Variants in ACO1 observed in about 807,000 individuals in gnomAD.
ACO1 encodes aconitase 1.
Under a neutral mutation model 105.1 loss-of-function variants are expected in ACO1, and 78 were observed. The observed-to-expected ratio is 0.74, with a 90% CI of 0.62 to 0.90. ACO1 has a LOEUF of 0.90. Among genes scored for constraint, ACO1 ranks in the 40% least tolerant of loss-of-function variants. The pLI is 0.00. For missense variants in ACO1, 965 were observed against 1,111.1 expected, an observed-to-expected ratio of 0.87 and a Z score of 1.87; for synonymous variants, 364 against 397.4, an observed-to-expected ratio of 0.92 and a Z score of 1.00.
chr9:32,418,234 T>C (rs774553670), intron 5 of ACO1, 37 bp downstream of exon 5: 4 of 1,613,506 alleles, frequency 2.5e-6, no homozygotes, highest in African/African-American at 2.7e-5. Context: ...TTGGTTTTCT[T>C]TGTAGGCAGG....
intron 4 of ACO1, among the ~76,000 whole-genome samples, chr9:32,411,666 T>C (rs1233505800): frequency 1.3e-5 from 2 of 152,098 alleles, no homozygotes; most frequent in Non-Finnish European, 2.9e-5. Context: ...AATAAAAAAG[T>C]AAATATTTGA....
Position 32,399,966 on chromosome 9 carries a change from G to GTTTTTTTTTTTTTTT in ACO1, c.-22-5511_-22-5497dup, listed in dbSNP as rs57615512. 8.6e-5 allele frequency among the ~76,000 whole-genome samples: 6 copies of GTTTTTTTTTTTTTTT among 69,842 alleles called. 1 individual carries two copies. Among genetic ancestry groups the GTTTTTTTTTTTTTTT allele is most frequent in the African/African-American group, 1.2e-4 (2 of 16,312 alleles). 45.8% of individuals were successfully genotyped at this position (69,842 alleles called of 152,430 possible). On this transcript the variant is annotated intron_variant, in intron 1 of 20. Coordinates refer to ENST00000309951, the MANE Select transcript of ACO1 (RefSeq NM_002197.3). ...ATTTCTTTTATTTTTTTCTTTTTCT[G>GTTTTTTTTTTTTTTT]TTTTTTTTTTTTTTTTTTTTTTGCG...
intron 11 of ACO1, among the ~76,000 whole-genome samples, chr9:32,426,269 A>T (rs1268075669): frequency 6.6e-6 from 1 of 152,234 alleles, no homozygotes; most frequent in Non-Finnish European, 1.5e-5. Context: ...ATTTCTGGGA[A>T]AGCCTACATT....
intron 20 of ACO1, among the ~76,000 whole-genome samples, chr9:32,449,344 C>T (rs765953921): frequency 5.9e-5 from 9 of 152,134 alleles, no homozygotes; most frequent in Admixed American, 1.3e-4. Context: ...ACCCTGTTCC[C>T]GGTCTCTCGT....
At chr9:32,431,393 G>T (rs771592396) in intron 14 of ACO1, among the ~76,000 whole-genome samples, 1 of 152,172 alleles carries the variant, frequency 6.6e-6, no homozygotes, top group Non-Finnish European at 1.5e-5. Context: ...AGTGCTTCTG[G>T]TGTTCTTGAG....
intron 11 of ACO1, 65 bp downstream of exon 11, chr9:32,426,062 G>A (rs1003779874): frequency 5.8e-6 from 9 of 1,542,180 alleles, no homozygotes; most frequent in Non-Finnish European, 7.9e-6. Flanking sequence ...CCCGAGACAG[G>A]GCCCAGGGCC....
intron 9 of ACO1, 24 bp downstream of exon 9, chr9:32,423,443 C>T: frequency 6.9e-7 from 1 of 1,453,340 alleles, no homozygotes. Flanking sequence ...TTCCACTGTG[C>T]ATGTATTTCC....
intron 16 of ACO1, 76 bp downstream of exon 16, chr9:32,433,908 AT>A: frequency 8.3e-7 from 1 of 1,204,952 alleles, no homozygotes; most frequent in South Asian, 1.4e-5. Context: ...TTATTACCCC[AT>A]GCTCTTGCTT....
rs775035570 is a variant in ACO1 at position 32,408,554 on chromosome 9, G to A, written c.307G>A (p.Ala103Thr). Reference protein sequence around the residue: ...AVVDFAAMRDAVKKLGGDPEK... With the variant: ...AVVDFAAMRDTVKKLGGDPEK... ...GGTTGACTTTGCTGCAATGCGTGAT[G>A]CTGTGAAAAAGTTAGGAGGAGATCC... The change falls in exon 4 of 21, where the codon GCT becomes ACT. Residue 103 changes from alanine (A) to threonine (T), a missense_variant. By Grantham distance (58) the Ala-to-Thr change is moderately conservative. Coordinates refer to ENST00000309951, the MANE Select transcript of ACO1 (RefSeq NM_002197.3). 2.5e-6 allele frequency: 4 copies of A among 1,614,084 alleles called. No individual in the cohort carries two copies. Among genetic ancestry groups the A allele is most frequent in the Non-Finnish European group, 3.4e-6 (4 of 1,180,042 alleles).
chr9:32,447,012 A>G lies in ACO1; in HGVS notation c.2371-1884A>G, dbSNP rs563222406. Among the ~76,000 whole-genome samples the G allele has an allele frequency of 2.0e-5, 3 of 151,826 alleles. No individual in the cohort carries two copies. In the East Asian group the frequency reaches 5.8e-4, roughly 29 times the overall value. On this transcript the variant is annotated intron_variant, in intron 19 of 20. Coordinates refer to ENST00000309951, the MANE Select transcript of ACO1 (RefSeq NM_002197.3). ...ACCTTTCTCTCTGGCTGCCCTTAACATTTTTTTCTTTTGTTTCAGCCTTGG... is the reference window on the plus strand; with the variant it reads ...ACCTTTCTCTCTGGCTGCCCTTAACGTTTTTTTCTTTTGTTTCAGCCTTGG...
intron 2 of ACO1, 74 bp from the exon 3 acceptor site, chr9:32,407,187 A>G: frequency 1.4e-6 from 2 of 1,385,378 alleles, no homozygotes; most frequent in South Asian, 1.3e-5. Context: ...TCAACTTTAT[A>G]TAGAGATTGG....
At chr9:32,406,339 A>G (rs541123623) in intron 2 of ACO1, among the ~76,000 whole-genome samples, 3 of 152,204 alleles carry the variant, frequency 2.0e-5, no homozygotes, top group Non-Finnish European at 4.4e-5. Flanking sequence ...CATTTAACAT[A>G]GGCTGCGTGT....
chr9:32,418,337 C>A lies in ACO1; in HGVS notation c.484C>A (p.Gln162Lys). Residue 162 changes from glutamine to lysine, a missense_variant, in exon 6 of 21, where the codon CAG (glutamine) becomes AAG (lysine). Transcript: ENST00000309951. ...CATTTGTCAATCCCAGTGGGGTTCCCAGGCTTTTCACAACATGCGGATTAT... is the reference window on the plus strand; with the variant it reads ...CATTTGTCAATCCCAGTGGGGTTCCAAGGCTTTTCACAACATGCGGATTAT... Reference protein sequence around the residue: ...ERFEFLKWGSQAFHNMRIIPP... With the variant: ...ERFEFLKWGSKAFHNMRIIPP... 1 of 1,614,126 alleles carries A rather than the reference C, an allele frequency of 6.2e-7. No homozygotes were observed. Among genetic ancestry groups the A allele is most frequent in the South Asian group, 1.1e-5 (1 of 91,068 alleles).
chr9:32,400,395 C>T (rs953911737), intron 1 of ACO1, among the ~76,000 whole-genome samples: 3 of 152,048 alleles, frequency 2.0e-5, no homozygotes, highest in African/African-American at 7.2e-5. Flanking sequence ...AAGGGAGGGC[C>T]CCCCTTGGAT....
Position 32,407,283 on chromosome 9 carries a change from A to C in ACO1, c.120A>C (p.Arg40Ser), listed in dbSNP as rs1361939679. The C allele has an allele frequency of 6.2e-7, 1 of 1,614,024 alleles. No homozygotes were observed. Among genetic ancestry groups the C allele is most frequent in the Non-Finnish European group, 8.5e-7 (1 of 1,180,016 alleles). The change falls in exon 3 of 21, where the codon AGA (arginine) becomes AGC (serine). Residue 40 changes from arginine to serine, a missense_variant. By Grantham distance (110) the Arg-to-Ser change is moderately radical. Coordinates refer to ENST00000309951, the MANE Select transcript of ACO1 (RefSeq NM_002197.3). Reference sequence around the variant, plus strand: ...TAGGGCGCTTACCATTTTCGATCAGAGTTCTTCTGGAAGCAGCCATTCGGA... The same window carrying C: ...TAGGGCGCTTACCATTTTCGATCAGCGTTCTTCTGGAAGCAGCCATTCGGA... Reference protein sequence around the residue: ...SRYGRLPFSIRVLLEAAIRNC... With the variant: ...SRYGRLPFSISVLLEAAIRNC...
Position 32,425,906 on chromosome 9 carries a change from C to A in ACO1, c.1257C>A (p.Asn419Lys). 1 of 1,613,832 alleles carries A rather than the reference C, an allele frequency of 6.2e-7. No individual in the cohort carries two copies. The highest frequency in any genetic ancestry group is 8.5e-7 in the Non-Finnish European group (1 of 1,179,796). ...ACCATAAGACCTTTATCTATGATAA[C>A]ACTGAATTCACCCTTGCTCATGGTT... ...HNDHKTFIYD[N>K]TEFTLAHGSV... Residue 419 changes from asparagine to lysine, a missense_variant, in exon 11 of 21, where the codon AAC (asparagine) becomes AAA (lysine). Coordinates refer to ENST00000309951, the MANE Select transcript of ACO1 (RefSeq NM_002197.3).
intron 1 of ACO1, among the ~76,000 whole-genome samples, chr9:32,405,213 C>A (rs79999208): frequency 0.15 from 22,772 of 152,232 alleles, 2,099 homozygotes; most frequent in South Asian, 0.3. Flanking sequence ...TCGCCTCCTG[C>A]ACTAGCAATC....
rs1423950935 is a variant in ACO1, at chr9:32,440,468, G to A, written c.2251G>A (p.Asp751Asn). 6.2e-7 allele frequency: 1 copy of A among 1,613,728 alleles called. No individual in the cohort carries two copies. The highest frequency in any genetic ancestry group is 8.5e-7 in the Non-Finnish European group (1 of 1,179,808). ...AACTTCCTTTTCTCTTCCTCAGCTT[G>A]ATGTGTTTGATGCTGCTGAGCGGTA... is the stretch of plus-strand genomic sequence containing the variant. ...TIHLPSGEIL[D>N]VFDAAERYQQ... The change falls in exon 19 of 21, where the codon GAT becomes AAT. Residue 751 changes from aspartate to asparagine, a missense_variant. By Grantham distance (23) the Asp-to-Asn change is conservative (BLOSUM62 1). Transcript: ENST00000309951.
intron 17 of ACO1, chr9:32,436,015 A>T (rs1331601000): frequency 3.0e-6 from 2 of 669,804 alleles, no homozygotes; most frequent in Admixed American, 4.1e-5. Context: ...TTTGAAAGAC[A>T]ATTAACCCAG....
Sources: gnomAD v4.1 joint callset for allele counts (sites outside exome capture counted in the v4.1 genomes callset) on GRCh38, gnomAD v4.1.1 for gene constraint, MANE v1.5 for transcripts, NCBI Gene and HGNC (gene_info 2026-07-23, HGNC 2026-07-21) for gene names.